The following MAPK8IP1 variants were observed in gnomAD, a reference collection of about 807,000 sequenced individuals.
The protein encoded by MAPK8IP1 is C-Jun-amino-terminal kinase-interacting protein 1.
A neutral mutation model predicts 72.6 loss-of-function variants in MAPK8IP1; 17 were observed. The ratio of observed to expected loss-of-function variants is 0.23; its 90% confidence interval spans 0.16 to 0.35. MAPK8IP1 has a LOEUF of 0.35. Among genes scored for constraint, MAPK8IP1 ranks in the 10% least tolerant of loss-of-function variants. The probability of loss-of-function intolerance (pLI) is 1.00; values close to 1 mark genes in which losing one functional copy is unlikely to be tolerated. For synonymous variants in MAPK8IP1, 401 were observed against 443.4 expected, an observed-to-expected ratio of 0.90 and a Z score of 1.20; for missense variants, 789 against 1,009.7, an observed-to-expected ratio of 0.78 and a Z score of 2.96.
chr11:45,895,614 C>A (rs1204320207), intron 1 of MAPK8IP1, among the ~76,000 whole-genome samples: 2 of 91,204 alleles, frequency 2.2e-5, no homozygotes, highest in African/African-American at 9.2e-5. Context: ...AGCGAAAGGC[C>A]GTCTCAAAAA....
Position 45,900,145 on chromosome 11 carries a change from G to A in MAPK8IP1, c.215G>A (p.Arg72His). The change falls in exon 3 of 12, where the codon CGC (arginine) becomes CAC (histidine). Residue 72 changes from arginine (R) to histidine (H), a missense_variant. Transcript: ENST00000241014. This position sits in a 1 kb window ranked among gnomAD's most constrained non-coding sequence, Gnocchi z 6.5. ...CKDTLSLRPPRAGLLSAGGGG... is the reference protein window; with the variant it reads ...CKDTLSLRPPHAGLLSAGGGG... ...CCTCCGTGCGCTGTGCAGCCCCCGC[G>A]CGCCGGGCTGCTCTCTGCGGGCGGC... 2 of 1,278,574 alleles carry A rather than the reference G, an allele frequency of 1.6e-6. No homozygotes were observed. The highest frequency in any genetic ancestry group is 2.0e-6 in the Non-Finnish European group (2 of 1,017,696). 79.2% of individuals were successfully genotyped at this position (1,278,574 alleles called of 1,614,324 possible). A position where few individuals can be genotyped will look rare whatever the true frequency, so the allele number is the denominator to read the frequency against.
At position 45,903,109 on chromosome 11, in the gene MAPK8IP1, A is replaced by C. The variant is rs1458534055; in HGVS notation, c.1342A>C (p.Thr448Pro). Residue 448 changes from threonine to proline, a missense_variant, in exon 5 of 12, where the codon ACG becomes CCG. Physicochemically the swap from Thr to Pro is conservative, Grantham distance 38 (BLOSUM62 -1). Around this residue, in one of 4 missense-constraint regions of MAPK8IP1, gnomAD observed 377 missense variants for 411.7 expected, o/e 0.92. Coordinates refer to ENST00000241014, the MANE Select transcript of MAPK8IP1 (RefSeq NM_005456.4). This position sits in a 1 kb window ranked among gnomAD's most constrained non-coding sequence, Gnocchi z 6.4. ...CCCTGCCTGCCTCTCCGAGGACTCC[A>C]CGCCTGATGAACCCGACGTCCATTT... is the stretch of plus-strand genomic sequence containing the variant. ...QPPACLSEDS[T>P]PDEPDVHFSK... The C allele has an allele frequency of 3.7e-6, 6 of 1,610,348 alleles. No individual in the cohort carries two copies. The East Asian group carries it at 1.1e-4, about 30-fold the overall frequency.
Position 45,903,074 on chromosome 11 carries a change from G to A in MAPK8IP1, c.1307G>A (p.Arg436Gln), listed in dbSNP as rs369439116. The A allele has an allele frequency of 3.8e-5, 62 of 1,611,356 alleles. No individual in the cohort carries two copies. Among genetic ancestry groups the A allele is most frequent in the East Asian group, 3.3e-4 (15 of 44,882 alleles). Residue 436 changes from arginine (R) to glutamine (Q), a missense_variant, in exon 5 of 12, where the codon CGG (arginine) becomes CAG (glutamine). Coordinates refer to ENST00000241014, the MANE Select transcript of MAPK8IP1 (RefSeq NM_005456.4). This position sits in a 1 kb window ranked among gnomAD's most constrained non-coding sequence, Gnocchi z 6.4. Reference protein sequence around the residue: ...AIGEEYEEAPRPQPPACLSED... With the variant: ...AIGEEYEEAPQPQPPACLSED... ...GGAGAGGAATATGAGGAGGCCCCGC[G>A]GCCCCAGCCCCCTGCCTGCCTCTCC...
Position 45,900,728 on chromosome 11 carries a change from G to A in MAPK8IP1, c.522+276G>A, listed in dbSNP as rs954673798. ...GGTTAGGAGAGGAGTAGGGAATTAAGAGAATGAGGCTTTGAGGGGTTCGAA... is the reference window on the plus strand; with the variant it reads ...GGTTAGGAGAGGAGTAGGGAATTAAAAGAATGAGGCTTTGAGGGGTTCGAA... On this transcript the variant is annotated intron_variant, in intron 3 of 11. Transcript: ENST00000241014. This position sits in a 1 kb window ranked among gnomAD's most constrained non-coding sequence, Gnocchi z 6.5. 2.0e-5 allele frequency among the ~76,000 whole-genome samples: 3 copies of A among 152,310 alleles called. No individual in the cohort carries two copies. Among genetic ancestry groups the A allele is most frequent in the African/African-American group, 7.2e-5 (3 of 41,564 alleles).
At chr11:45,889,597 A>C (rs1224122631) in intron 1 of MAPK8IP1, among the ~76,000 whole-genome samples, 1 of 152,134 alleles carries the variant, frequency 6.6e-6, no homozygotes, top group Non-Finnish European at 1.5e-5. Context: ...ATGGACAAGA[A>C]GGGAGCGAGC....
chr11:45,904,654 T>C lies in MAPK8IP1; in HGVS notation c.1777-64T>C. On this transcript the variant is annotated intron_variant, in intron 8 of 11. Coordinates refer to ENST00000241014, the MANE Select transcript of MAPK8IP1 (RefSeq NM_005456.4). This position sits in a 1 kb window ranked among gnomAD's most constrained non-coding sequence, Gnocchi z 6.4. ...TAGAGGCAGTAAAGGGCTCAGGCCC[T>C]GGGACAGGAGGGATCAGCAGAGGAA... The C allele has an allele frequency of 6.2e-7, 1 of 1,601,752 alleles. No individual in the cohort carries two copies. Among genetic ancestry groups the C allele is most frequent in the South Asian group, 1.1e-5 (1 of 90,854 alleles).
intron 1 of MAPK8IP1, among the ~76,000 whole-genome samples, chr11:45,891,731 GT>G (rs1365428763): frequency 6.6e-6 from 1 of 152,230 alleles, no homozygotes; most frequent in Admixed American, 6.5e-5. Context: ...CATATATGCT[GT>G]CTTTTTGCTC....
intron 1 of MAPK8IP1, among the ~76,000 whole-genome samples, chr11:45,894,944 C>G (rs1351032551): frequency 6.6e-6 from 1 of 152,190 alleles, no homozygotes; most frequent in Non-Finnish European, 1.5e-5. Flanking sequence ...CATGCAAGGG[C>G]TGGGAGGGCT....
chr11:45,895,359 C>T (rs960098507), intron 1 of MAPK8IP1, among the ~76,000 whole-genome samples: 5 of 152,130 alleles, frequency 3.3e-5, no homozygotes, highest in Non-Finnish European at 7.4e-5. Context: ...ATGGCTCACG[C>T]CTGCAATCCC....
rs1231327142 is a variant in MAPK8IP1, at chr11:45,885,746, G to C, written c.-75G>C. 2 of 861,534 alleles carry C rather than the reference G, an allele frequency of 2.3e-6. No individual in the cohort carries two copies. Among genetic ancestry groups the C allele is most frequent in the African/African-American group, 3.6e-5 (2 of 55,600 alleles). 53.4% of individuals were successfully genotyped at this position (861,534 alleles called of 1,614,324 possible). ...CCGCGGCGGCGGCTGCCCTCTCGCC[G>C]CGCCTCCGCCTCCTTCGCAGCCGCC... On this transcript the variant is annotated 5_prime_UTR_variant, in exon 1 of 12. Transcript: ENST00000241014.
At position 45,885,902 on chromosome 11, in the gene MAPK8IP1, G is replaced by C. The variant is rs760029867; in HGVS notation, c.82G>C (p.Ala28Pro). 12 of 1,475,578 alleles carry C rather than the reference G, an allele frequency of 8.1e-6. No individual in the cohort carries two copies. The highest frequency in any genetic ancestry group is 1.1e-5 in the Non-Finnish European group (12 of 1,109,860). The allele number at this position is 1,475,578 out of a possible 1,614,324, so 91.4% of individuals were successfully genotyped here. A position where few individuals can be genotyped will look rare whatever the true frequency, so the allele number is the denominator to read the frequency against. ...CTCCCCGTTCCTGGGGCTGCACATC[G>C]CTTCGCCTCCCAATTTCAGGTGAGA... ...AASPFLGLHI[A>P]SPPNFRLTHD... The change falls in exon 1 of 12, where the codon GCT (alanine) becomes CCT (proline). Residue 28 changes from alanine to proline, a missense_variant. By Grantham distance (27) the Ala-to-Pro change is conservative. This residue lies in a region of MAPK8IP1 where 112 missense variants were observed against 111.8 expected (regional missense o/e 1.00). Coordinates refer to ENST00000241014, the MANE Select transcript of MAPK8IP1 (RefSeq NM_005456.4).
At chr11:45,886,031 C>A in intron 1 of MAPK8IP1, 110 bp downstream of exon 1, 2 of 638,754 alleles carry the variant, frequency 3.1e-6, no homozygotes, top group Non-Finnish European at 4.8e-6. Flanking sequence ...AACGAAAGGG[C>A]TGCGTGGGAG....
chr11:45,902,080 C>T lies in MAPK8IP1; in HGVS notation c.604+19C>T, dbSNP rs1256583668. The T allele has an allele frequency of 1.2e-6, 2 of 1,605,472 alleles. No homozygotes were observed. The highest frequency in any genetic ancestry group is 2.7e-5 in the African/African-American group (2 of 74,726). On this transcript the variant is annotated intron_variant, in intron 4 of 11. Coordinates refer to ENST00000241014, the MANE Select transcript of MAPK8IP1 (RefSeq NM_005456.4). The surrounding 1 kb of genome is among the most constrained non-coding windows in gnomAD (Gnocchi z 9.3). Reference sequence around the variant, plus strand: ...AAGACAGGTAAGTCAGGGCCCTCTTCCTTACCTGGACCTCCGCCTGCCCTG... The same window carrying T: ...AAGACAGGTAAGTCAGGGCCCTCTTTCTTACCTGGACCTCCGCCTGCCCTG...
At position 45,885,859 on chromosome 11, in the gene MAPK8IP1, C is replaced by T; in HGVS notation, c.39C>T (p.Ala13=). The part of the protein sequence containing the change: ...ERESGGLGGG[A]ASPPAASPFL... ...AAAGCGGCGGCCTGGGAGGGGGGGCCGCGTCCCCGCCCGCCGCCTCCCCGT... is the reference window on the plus strand; with the variant it reads ...AAAGCGGCGGCCTGGGAGGGGGGGCTGCGTCCCCGCCCGCCGCCTCCCCGT... The change falls in exon 1 of 12, where the codon GCC becomes GCT. Residue 13 remains alanine, a synonymous_variant. Coordinates refer to ENST00000241014, the MANE Select transcript of MAPK8IP1 (RefSeq NM_005456.4). 4 of 1,454,222 alleles carry T rather than the reference C, an allele frequency of 2.8e-6. No individual in the cohort carries two copies. Among genetic ancestry groups the T allele is most frequent in the Non-Finnish European group, 3.6e-6 (4 of 1,099,770 alleles). The allele number at this position is 1,454,222 out of a possible 1,614,324, so 90.1% of individuals were successfully genotyped here.
intron 1 of MAPK8IP1, among the ~76,000 whole-genome samples, chr11:45,887,063 G>A (rs957010300): frequency 1.3e-5 from 2 of 152,150 alleles, no homozygotes; most frequent in Non-Finnish European, 2.9e-5. Flanking sequence ...AAGGCTCCAG[G>A]GCTGCAGCTC....
In MAPK8IP1 at chr11:45,885,730, C is replaced by A. The variant is rs2086521001; in HGVS notation, c.-91C>A. On this transcript the variant is annotated 5_prime_UTR_variant, in exon 1 of 12. Transcript: ENST00000241014. The stretch of plus-strand genomic sequence containing the variant: ...CCGCCTAGCCCGAACTCCGCGGCGG[C>A]GGCTGCCCTCTCGCCGCGCCTCCGC... 2.7e-5 allele frequency: 18 copies of A among 659,114 alleles called. No homozygotes were observed. The South Asian group carries it at 5.7e-4, about 21-fold the overall frequency. 40.8% of individuals were successfully genotyped at this position (659,114 alleles called of 1,614,324 possible).
intron 2 of MAPK8IP1, among the ~76,000 whole-genome samples, chr11:45,898,587 C>T (rs1249094423): frequency 6.6e-6 from 1 of 152,176 alleles, no homozygotes. Context: ...CTGGTGGAAT[C>T]TGCAGTGCTT....
At position 45,885,785 on chromosome 11, in the gene MAPK8IP1, C is replaced by T. The variant is rs1000013446; in HGVS notation, c.-36C>T. 126 of 1,253,396 alleles carry T rather than the reference C, an allele frequency of 1.0e-4. No homozygotes were observed. The highest frequency in any genetic ancestry group is 3.2e-4 in the Admixed American group (8 of 24,834). 77.6% of individuals were successfully genotyped at this position (1,253,396 alleles called of 1,614,324 possible). On this transcript the variant is annotated 5_prime_UTR_variant, in exon 1 of 12. Coordinates refer to ENST00000241014, the MANE Select transcript of MAPK8IP1 (RefSeq NM_005456.4). Reference sequence around the variant, plus strand: ...TTCGCAGCCGCCGCCTCCTCCGCGCCGCGCTCCGCCCGGATGGCCAGGGCT... The same window carrying T: ...TTCGCAGCCGCCGCCTCCTCCGCGCTGCGCTCCGCCCGGATGGCCAGGGCT...
chr11:45,900,582 G>A lies in MAPK8IP1; in HGVS notation c.522+130G>A, dbSNP rs1026404480. 5.7e-6 allele frequency: 6 copies of A among 1,053,720 alleles called. No individual in the cohort carries two copies. Among genetic ancestry groups the A allele is most frequent in the Non-Finnish European group, 6.7e-6 (5 of 749,686 alleles). 65.3% of individuals were successfully genotyped at this position (1,053,720 alleles called of 1,614,324 possible). On this transcript the variant is annotated intron_variant, in intron 3 of 11. Coordinates refer to ENST00000241014, the MANE Select transcript of MAPK8IP1 (RefSeq NM_005456.4). The surrounding 1 kb of genome is among the most constrained non-coding windows in gnomAD (Gnocchi z 6.5). ...GGGACAGCGCCTGCATAGGGGCCGC[G>A]GTGGCTCGCTCCCGGTGTTGGGATC...
Sources: allele counts gnomAD v4.1 joint callset (sites outside exome capture counted in the v4.1 genomes callset), GRCh38; gene constraint gnomAD v4.1.1; regional missense constraint gnomAD v4.1.1; non-coding constraint Gnocchi (gnomAD v3.1); transcripts MANE v1.5; gene names NCBI Gene and HGNC (gene_info 2026-07-23, HGNC 2026-07-21).